IP6K1: variants seen among roughly 807,000 people sequenced by gnomAD.
The protein encoded by IP6K1 is ATP:1D-myo-inositol-hexakisphosphate phosphotransferase.
A neutral mutation model predicts 38.3 loss-of-function variants in IP6K1; 13 were observed. That is an observed-to-expected ratio of 0.34 (90% CI 0.22 to 0.54). The LOEUF is 0.54. Ranked by LOEUF, IP6K1 falls within the 20% of genes least tolerant of loss-of-function variation. IP6K1 has a pLI of 0.92. For synonymous variants in IP6K1, 212 were observed against 229.9 expected (o/e 0.92, Z 0.70); for missense variants, 397 against 599.8 (o/e 0.66, Z 3.53).
chr3:49,764,452 G>C (rs1023491482), intron 1 of IP6K1, among the ~76,000 whole-genome samples: 9 of 152,128 alleles, frequency 5.9e-5, no homozygotes, highest in African/African-American at 2.2e-4. Flanking sequence ...TATCAGTGAG[G>C]CTTCCAGTCA....
chr3:49,759,035 T>A (rs1162188626), intron 1 of IP6K1, among the ~76,000 whole-genome samples: 8 of 151,588 alleles, frequency 5.3e-5, no homozygotes. Context: ...GAAACATGAA[T>A]ATGTGGGCTA....
intron 3 of IP6K1, among the ~76,000 whole-genome samples, chr3:49,735,998 C>T (rs2080607639): frequency 6.6e-6 from 1 of 152,152 alleles, no homozygotes; most frequent in Admixed American, 6.5e-5. Flanking sequence ...CTCACTGCAA[C>T]CTCCACCTCC....
rs2080519766 is a variant in IP6K1 at position 49,727,522 on chromosome 3, T to C, written c.926A>G (p.Glu309Gly). Reference protein sequence around the residue: ...NGLDLRRDLFEPILSKLRGLK... With the variant: ...NGLDLRRDLFGPILSKLRGLK... ...GCCCCGCAGTTTGCTCAGGATAGGC[T>C]CAAACAGGTCACGTCGCAGGTCCAG... The change falls in exon 6 of 6, where the codon GAG (glutamate) becomes GGG (glycine). Residue 309 changes from glutamate (E) to glycine (G), a missense_variant. Physicochemically the swap from Glu to Gly is moderately conservative, Grantham distance 98. Coordinates refer to ENST00000321599, the MANE Select transcript of IP6K1 (RefSeq NM_153273.4). This position sits in a 1 kb window ranked among gnomAD's most constrained non-coding sequence, Gnocchi z 5.9. 5 of 1,614,186 alleles carry C rather than the reference T, an allele frequency of 3.1e-6. No individual in the cohort carries two copies. Among genetic ancestry groups the C allele is most frequent in the Non-Finnish European group, 4.2e-6 (5 of 1,180,034 alleles).
In IP6K1 at chr3:49,750,190, G is replaced by C. The variant is rs897430914; in HGVS notation, c.-128-2022C>G. Among the ~76,000 whole-genome samples the C allele has an allele frequency of 4.6e-5, 7 of 152,312 alleles. 1 individual carries two copies. Among genetic ancestry groups the C allele is most frequent in the Admixed American group, 2.6e-4 (4 of 15,290 alleles). On this transcript the variant is annotated intron_variant, in intron 1 of 5. Transcript: ENST00000321599. The stretch of plus-strand genomic sequence containing the variant: ...AGGGTCTCTGGAGGTGGTCATTGCA[G>C]CTGTGGATCCTGTTCAGTACTGTAG...
At chr3:49,756,488 A>C (rs1245130664) in intron 1 of IP6K1, among the ~76,000 whole-genome samples, 1 of 152,202 alleles carries the variant, frequency 6.6e-6, no homozygotes, top group Non-Finnish European at 1.5e-5. Flanking sequence ...TGACGTTCAA[A>C]GTGATACAGG....
chr3:49,741,018 T>C (rs966032565), intron 2 of IP6K1, among the ~76,000 whole-genome samples: 1 of 152,092 alleles, frequency 6.6e-6, no homozygotes, highest in Non-Finnish European at 1.5e-5. Context: ...TCGGCTACTT[T>C]TTGTATTTTT....
At chr3:49,758,883 C>A (rs890351374) in intron 1 of IP6K1, among the ~76,000 whole-genome samples, 10 of 151,896 alleles carry the variant, frequency 6.6e-5, no homozygotes, top group Non-Finnish European at 1.2e-4. Flanking sequence ...ATCGCTTGAA[C>A]CCAGGAGGCG....
At chr3:49,755,717 T>C (rs923380158) in intron 1 of IP6K1, among the ~76,000 whole-genome samples, 1 of 152,182 alleles carries the variant, frequency 6.6e-6, no homozygotes, top group African/African-American at 2.4e-5. Flanking sequence ...TAAAAAAGCA[T>C]TGACATGGAC....
chr3:49,727,106 G>C lies in IP6K1; in HGVS notation c.*16C>G, dbSNP rs763200382. ...TGCAGTGGAGAGGAAGGGGTTCTGG[G>C]GGCCCAGAACAGGGCCTACTGGTTC... On this transcript the variant is annotated 3_prime_UTR_variant, in exon 6 of 6. Coordinates refer to ENST00000321599, the MANE Select transcript of IP6K1 (RefSeq NM_153273.4). This position sits in a 1 kb window ranked among gnomAD's most constrained non-coding sequence, Gnocchi z 5.9. 8.9e-6 allele frequency: 14 copies of C among 1,568,112 alleles called. No homozygotes were observed. The highest frequency in any genetic ancestry group is 1.0e-5 in the Non-Finnish European group (12 of 1,154,490).
intron 3 of IP6K1, 44 bp downstream of exon 3, chr3:49,738,168 G>A (rs748975377): frequency 1.8e-5 from 27 of 1,500,004 alleles, no homozygotes; most frequent in African/African-American, 5.5e-5. Context: ...CTATGGAGAC[G>A]TCTTGAGTGC....
intron 1 of IP6K1, among the ~76,000 whole-genome samples, chr3:49,763,778 G>A (rs2080886093): frequency 1.3e-5 from 2 of 152,300 alleles, no homozygotes; most frequent in South Asian, 4.1e-4. Flanking sequence ...CACTTTGGGA[G>A]GCTGAGGCGG....
intron 1 of IP6K1, among the ~76,000 whole-genome samples, chr3:49,765,288 G>C (rs557723456): frequency 3.1e-4 from 47 of 152,038 alleles, no homozygotes; most frequent in Non-Finnish European, 3.7e-4. Flanking sequence ...CCAGACAGTA[G>C]CTAAAAAGAA....
At chr3:49,738,458 A>G in intron 2 of IP6K1, 36 bp from the exon 3 acceptor site, 5 of 1,528,362 alleles carry the variant, frequency 3.3e-6, no homozygotes, top group Non-Finnish European at 4.5e-6. Context: ...ACAAATGTCA[A>G]CACAGGCCGA....
Position 49,774,315 on chromosome 3 carries a change from G to A in IP6K1, c.-129+12039C>T, listed in dbSNP as rs1000078248. Among the ~76,000 whole-genome samples the A allele has an allele frequency of 2.0e-5, 3 of 149,910 alleles. No homozygotes were observed. In the Admixed American group the frequency reaches 2.0e-4, roughly 10 times the overall value. On this transcript the variant is annotated intron_variant, in intron 1 of 5. Transcript: ENST00000321599. ...CCCAGCTACTCGAGAAGCTGAGGCA[G>A]GAGAATGGCGTGAACCCAGGAGGTG...
chr3:49,739,149 GA>G (rs1232057685), intron 2 of IP6K1, among the ~76,000 whole-genome samples: 5 of 151,494 alleles, frequency 3.3e-5, no homozygotes, highest in African/African-American at 4.8e-5. Flanking sequence ...GTTTTGAAGG[GA>G]AAAAAAAGTA....
intron 1 of IP6K1, among the ~76,000 whole-genome samples, chr3:49,773,542 C>T (rs371473274): frequency 3.9e-5 from 6 of 152,112 alleles, no homozygotes; most frequent in African/African-American, 1.2e-4. Context: ...CCCTGGGAGG[C>T]GGAGCCTGCA....
chr3:49,776,542 C>T (rs1187079652), intron 1 of IP6K1, among the ~76,000 whole-genome samples: 2 of 151,062 alleles, frequency 1.3e-5, no homozygotes, highest in African/African-American at 2.4e-5. Context: ...CAAATAAATG[C>T]AAAAAACCAT....
intron 4 of IP6K1, among the ~76,000 whole-genome samples, chr3:49,728,874 T>C (rs2080537103): frequency 1.3e-5 from 2 of 151,848 alleles, no homozygotes; most frequent in South Asian, 4.1e-4. Context: ...CACGCCCAGC[T>C]AGAACTTTTT....
intron 1 of IP6K1, among the ~76,000 whole-genome samples, chr3:49,767,870 G>A (rs1300033520): frequency 6.6e-6 from 1 of 151,868 alleles, no homozygotes; most frequent in Non-Finnish European, 1.5e-5. Flanking sequence ...TGTATAACTC[G>A]ACAACAACAA....
Sources: gnomAD v4.1 joint callset for allele counts (sites outside exome capture counted in the v4.1 genomes callset) on GRCh38, gnomAD v4.1.1 for gene constraint, Gnocchi (gnomAD v3.1) non-coding constraint, MANE v1.5 for transcripts, NCBI Gene and HGNC (gene_info 2026-07-23, HGNC 2026-07-21) for gene names.